Variants in UBE2E2 observed in about 807,000 individuals in gnomAD.
UBE2E2 encodes ubiquitin-conjugating enzyme E2 E2.
In UBE2E2, 6 loss-of-function variants were observed where a neutral mutation model predicts 24.7. The observed-to-expected ratio is 0.24, with a 90% CI of 0.13 to 0.48. The LOEUF is 0.48. UBE2E2 is among the 20% of genes least tolerant of loss of function. The pLI, the probability that UBE2E2 is intolerant of heterozygous loss-of-function variation, is 0.99. For missense variants in UBE2E2, 169 were observed against 245.0 expected (o/e 0.69, Z 2.07); for synonymous variants, 104 against 83.6 (o/e 1.24, Z -1.33).
rs913950687 is a variant in UBE2E2, at chr3:23,534,426, A to G, written c.508+1725A>G. ...AAGCAGAACCACATAAGTAAAAGAA[A>G]TAGATTTTGAAATAATGCTATTGAT... On this transcript the variant is annotated intron_variant, in intron 5 of 5. Transcript: ENST00000396703. 3.3e-5 allele frequency among the ~76,000 whole-genome samples: 5 copies of G among 152,282 alleles called. No homozygotes were observed. The East Asian group carries it at 7.7e-4, about 23-fold the overall frequency.
intron 3 of UBE2E2, among the ~76,000 whole-genome samples, chr3:23,297,253 G>A (rs1575541292): frequency 1.3e-5 from 2 of 151,924 alleles, no homozygotes; most frequent in South Asian, 2.1e-4. Flanking sequence ...CTCCCATTCT[G>A]TAGGTTGCCT....
intron 5 of UBE2E2, among the ~76,000 whole-genome samples, chr3:23,550,721 C>T (rs1216210359): frequency 6.6e-6 from 1 of 152,114 alleles, no homozygotes. Context: ...ACAATTGTCC[C>T]CAGCTTACTG....
At chr3:23,236,757 G>A (rs1461166710) in intron 3 of UBE2E2, among the ~76,000 whole-genome samples, 1 of 152,122 alleles carries the variant, frequency 6.6e-6, no homozygotes, top group Non-Finnish European at 1.5e-5. Flanking sequence ...TGGCCTAAGT[G>A]TACTCTTAAA....
intron 3 of UBE2E2, among the ~76,000 whole-genome samples, chr3:23,492,170 A>G (rs1699513768): frequency 1.3e-5 from 2 of 152,128 alleles, no homozygotes; most frequent in Admixed American, 6.6e-5. Context: ...CTAGAGAAAC[A>G]CCTTCATTAT....
chr3:23,509,992 G>A (rs991971441), intron 4 of UBE2E2, among the ~76,000 whole-genome samples: 1 of 152,078 alleles, frequency 6.6e-6, no homozygotes, highest in African/African-American at 2.4e-5. Flanking sequence ...AGACATTTGG[G>A]TTGGTTCGTA....
intron 3 of UBE2E2, among the ~76,000 whole-genome samples, chr3:23,486,811 G>T (rs937193275): frequency 2.0e-5 from 3 of 152,240 alleles, no homozygotes; most frequent in African/African-American, 4.8e-5. Flanking sequence ...CTGGTCCATG[G>T]TCGGGCCTGG....
chr3:23,585,707 G>A (rs1696610098), intron 5 of UBE2E2, among the ~76,000 whole-genome samples: 1 of 152,102 alleles, frequency 6.6e-6, no homozygotes, highest in South Asian at 2.1e-4. Flanking sequence ...TAGTAAAAAT[G>A]AGGAAAACTG....
chr3:23,566,747 CT>C (rs540648570), intron 5 of UBE2E2, among the ~76,000 whole-genome samples: 187 of 152,282 alleles, frequency 1.2e-3, no homozygotes, highest in African/African-American at 4.1e-3. Flanking sequence ...ATCCACCCCC[CT>C]GACCCCAACA....
chr3:23,210,387 G>T (rs1696286749), intron 2 of UBE2E2, among the ~76,000 whole-genome samples: 1 of 152,146 alleles, frequency 6.6e-6, no homozygotes, highest in East Asian at 1.9e-4. Flanking sequence ...CACCTGTTGT[G>T]GTGAGGCTCT....
chr3:23,458,408 G>A (rs1027857348), intron 3 of UBE2E2, among the ~76,000 whole-genome samples: 1 of 150,412 alleles, frequency 6.6e-6, no homozygotes, highest in Non-Finnish European at 1.5e-5. Context: ...TGGTGGTGGT[G>A]GTGGTGGTGG....
rs1697814637 is a variant in UBE2E2 at position 23,258,883 on chromosome 3, ACT to A, written c.227+41574_227+41575del. 5.5e-5 allele frequency among the ~76,000 whole-genome samples: 7 copies of A among 127,044 alleles called. No individual in the cohort carries two copies. The South Asian group carries it at 2.0e-3, about 36-fold the overall frequency. The allele number at this position is 127,044 out of a possible 152,430, so 83.3% of individuals were successfully genotyped here. On this transcript the variant is annotated intron_variant, in intron 3 of 5. Coordinates refer to ENST00000396703, the MANE Select transcript of UBE2E2 (RefSeq NM_152653.4). ...ACTCCAGCCTGGGTGACAGAGAGAGACTCTGTCTCAAAAAAAGAAAAAAAAAA... is the reference window on the plus strand; with the variant it reads ...ACTCCAGCCTGGGTGACAGAGAGAGACTGTCTCAAAAAAAGAAAAAAAAAA...
chr3:23,565,444 CTTTTTTTTT>C (rs574461544), intron 5 of UBE2E2, among the ~76,000 whole-genome samples: 9 of 46,234 alleles, frequency 1.9e-4, no homozygotes, highest in African/African-American at 8.5e-4. Context: ...ATAGGCATGG[CTTTTTTTTT>C]TTTTTTTTTT....
At chr3:23,273,981 C>G (rs1204600850) in intron 3 of UBE2E2, 1 of 152,160 alleles carries the variant, frequency 6.6e-6, no homozygotes, top group Non-Finnish European at 1.5e-5. Context: ...TTCTTACTGA[C>G]TGAATCATTA....
At chr3:23,408,811 A>T (rs565211920) in intron 3 of UBE2E2, among the ~76,000 whole-genome samples, 9 of 152,178 alleles carry the variant, frequency 5.9e-5, no homozygotes, top group African/African-American at 1.7e-4. Context: ...TACTTGGAGT[A>T]TTGGTTTATC....
chr3:23,377,742 C>T (rs896733609), intron 3 of UBE2E2, among the ~76,000 whole-genome samples: 4 of 152,206 alleles, frequency 2.6e-5, no homozygotes, highest in African/African-American at 9.6e-5. Flanking sequence ...GTTTATCCCC[C>T]TTAGGGATTT....
intron 3 of UBE2E2, among the ~76,000 whole-genome samples, chr3:23,341,264 A>G (rs931057087): frequency 6.6e-6 from 1 of 152,188 alleles, no homozygotes; most frequent in Non-Finnish European, 1.5e-5. Context: ...ATGAACTTTT[A>G]TAGAGCACTT....
intron 3 of UBE2E2, among the ~76,000 whole-genome samples, chr3:23,398,749 G>A (rs374850196): frequency 6.6e-6 from 1 of 152,156 alleles, no homozygotes; most frequent in East Asian, 1.9e-4. Flanking sequence ...TCGGAAGACA[G>A]GGTTTTATAG....
chr3:23,432,789 G>C (rs1322060897), intron 3 of UBE2E2, among the ~76,000 whole-genome samples: 1 of 151,724 alleles, frequency 6.6e-6, no homozygotes, highest in Admixed American at 6.6e-5. Flanking sequence ...GTCACACAGA[G>C]ACTTCTTTTC....
intron 3 of UBE2E2, among the ~76,000 whole-genome samples, chr3:23,326,788 A>AC (rs1227141003): frequency 1.3e-5 from 2 of 152,146 alleles, no homozygotes; most frequent in Non-Finnish European, 2.9e-5. Flanking sequence ...CTCGTCATTT[A>AC]CATTAGGTAT....
Sources: gnomAD v4.1 joint callset for allele counts (sites outside exome capture counted in the v4.1 genomes callset) on GRCh38, gnomAD v4.1.1 for gene constraint, MANE v1.5 for transcripts, NCBI Gene and HGNC (gene_info 2026-07-23, HGNC 2026-07-21) for gene names.